Variants in LSAMP observed in about 807,000 individuals in gnomAD.
LSAMP encodes the protein limbic system associated membrane protein, also known as limbic system-associated membrane protein.
In LSAMP, 7 loss-of-function variants were observed where a neutral mutation model predicts 38.6. The observed-to-expected ratio is 0.18, with a 90% CI of 0.10 to 0.34. The LOEUF is 0.34. Ranked by LOEUF, LSAMP falls within the 10% of genes least tolerant of loss-of-function variation. The pLI is 1.00. For missense variants in LSAMP, 313 were observed against 420.0 expected, an observed-to-expected ratio of 0.75 and a Z score of 2.23; for synonymous variants, 154 against 166.8, an observed-to-expected ratio of 0.92 and a Z score of 0.59.
At chr3:116,432,157 T>C (rs989647786) in intron 1 of LSAMP, among the ~76,000 whole-genome samples, 2 of 151,902 alleles carry the variant, frequency 1.3e-5, no homozygotes, top group Non-Finnish European at 2.9e-5. Flanking sequence ...ACATGCTTGA[T>C]ACCCTTAAAA....
Position 115,810,406 on chromosome 3 carries a change from A to C in LSAMP, c.928T>G (p.Ser310Ala). Reference sequence around the variant, plus strand: ...ATGGATCCATTTATTCCTCTCACCGACCCAGGTCCTGCAGAGCAAAAGAGG... The same window carrying C: ...ATGGATCCATTTATTCCTCTCACCGCCCCAGGTCCTGCAGAGCAAAAGAGG... ...NASLVLFRPG[S>A]VRGINGSISL... The change falls in exon 7 of 7, where the codon TCG becomes GCG. Residue 310 changes from serine (S) to alanine (A), a missense_variant. Coordinates refer to ENST00000490035, the MANE Select transcript of LSAMP (RefSeq NM_002338.5). 2 of 1,612,448 alleles carry C rather than the reference A, an allele frequency of 1.2e-6. No individual in the cohort carries two copies. The highest frequency in any genetic ancestry group is 1.7e-6 in the Non-Finnish European group (2 of 1,178,884).
chr3:115,866,166 G>A (rs1935851723), intron 3 of LSAMP, among the ~76,000 whole-genome samples: 2 of 152,058 alleles, frequency 1.3e-5, no homozygotes, highest in South Asian at 4.2e-4. Flanking sequence ...TGTGACTCTG[G>A]TGTTTTAATC....
chr3:116,329,526 GA>G (rs1253069354), intron 1 of LSAMP, among the ~76,000 whole-genome samples: 2 of 152,218 alleles, frequency 1.3e-5, no homozygotes, highest in African/African-American at 4.8e-5. Flanking sequence ...CTAAAAAAGT[GA>G]ATGTTTCTGC....
At chr3:116,289,833 T>C (rs1051400738) in intron 1 of LSAMP, among the ~76,000 whole-genome samples, 5 of 151,946 alleles carry the variant, frequency 3.3e-5, no homozygotes, top group Non-Finnish European at 7.4e-5. Flanking sequence ...AAGAAGAGAG[T>C]CACTCACGCT....
At chr3:116,046,985 G>A (rs999375478) in intron 2 of LSAMP, among the ~76,000 whole-genome samples, 26 of 152,088 alleles carry the variant, frequency 1.7e-4, no homozygotes, top group African/African-American at 4.3e-4. Flanking sequence ...ATCATCTCCC[G>A]TTGCAAAGCA....
At chr3:116,131,453 TTGAGACTTTTA>T (rs1412890140) in intron 1 of LSAMP, among the ~76,000 whole-genome samples, 26 of 152,110 alleles carry the variant, frequency 1.7e-4, no homozygotes, top group African/African-American at 6.3e-4. Flanking sequence ...ATGAGATGGT[TTGAGACTTTTA>T]CTGTCTTCTG....
intron 1 of LSAMP, among the ~76,000 whole-genome samples, chr3:116,421,226 A>T (rs1215854870): frequency 6.6e-6 from 1 of 152,222 alleles, no homozygotes; most frequent in African/African-American, 2.4e-5. Flanking sequence ...AAGAAAATAA[A>T]AAGATAAGCC....
At chr3:116,252,527 GA>G (rs200078334) in intron 1 of LSAMP, among the ~76,000 whole-genome samples, 60 of 150,150 alleles carry the variant, frequency 4.0e-4, no homozygotes, top group Non-Finnish European at 7.0e-4. Context: ...AATAATGTAT[GA>G]AAAAAAAATA....
chr3:115,972,843 T>C lies in LSAMP; in HGVS notation c.514+46672A>G, dbSNP rs116172925. Among the ~76,000 whole-genome samples, 320 of 149,758 alleles carry C rather than the reference T, an allele frequency of 2.1e-3. 2 individuals carry two copies. Among genetic ancestry groups the C allele is most frequent in the African/African-American group, 7.0e-3 (290 of 41,156 alleles). ...TTAGCATGACAATGCATGTAACACATTTAATGTATTAGCCCATTATATATT... is the reference window on the plus strand; with the variant it reads ...TTAGCATGACAATGCATGTAACACACTTAATGTATTAGCCCATTATATATT... On this transcript the variant is annotated intron_variant, in intron 3 of 6. Coordinates refer to ENST00000490035, the MANE Select transcript of LSAMP (RefSeq NM_002338.5).
At chr3:115,915,980 C>T (rs192830788) in intron 3 of LSAMP, among the ~76,000 whole-genome samples, 113 of 152,182 alleles carry the variant, frequency 7.4e-4, no homozygotes, top group Middle Eastern at 3.4e-3. Context: ...ATATAAGTTA[C>T]CAGAAATGCC....
chr3:116,020,039 C>T (rs1025402373), intron 2 of LSAMP, among the ~76,000 whole-genome samples: 8 of 151,998 alleles, frequency 5.3e-5, no homozygotes, highest in African/African-American at 1.9e-4. Flanking sequence ...AATGTCTTCT[C>T]CAAGTACCAG....
At chr3:116,383,237 A>G (rs1157867130) in intron 1 of LSAMP, among the ~76,000 whole-genome samples, 2 of 152,142 alleles carry the variant, frequency 1.3e-5, no homozygotes, top group Non-Finnish European at 2.9e-5. Context: ...TCGTATCTGA[A>G]ACCTCTATTT....
At chr3:116,221,921 T>C (rs1372606456) in intron 1 of LSAMP, among the ~76,000 whole-genome samples, 1 of 151,980 alleles carries the variant, frequency 6.6e-6, no homozygotes, top group African/African-American at 2.4e-5. Context: ...TTTTTCTGTT[T>C]ATTCTTCTCA....
intron 3 of LSAMP, among the ~76,000 whole-genome samples, chr3:115,874,310 G>C (rs1287909258): frequency 6.6e-6 from 1 of 152,068 alleles, no homozygotes; most frequent in Non-Finnish European, 1.5e-5. Context: ...GTCTGTCTCA[G>C]CATCTTTCCT....
chr3:115,983,742 G>C (rs1415046208), intron 3 of LSAMP, among the ~76,000 whole-genome samples: 1 of 152,122 alleles, frequency 6.6e-6, no homozygotes, highest in Non-Finnish European at 1.5e-5. Flanking sequence ...TGAGAGGACA[G>C]TGCCTAGTGG....
chr3:115,845,817 C>T (rs1371016481), intron 4 of LSAMP, among the ~76,000 whole-genome samples: 1 of 152,188 alleles, frequency 6.6e-6, no homozygotes, highest in Non-Finnish European at 1.5e-5. Flanking sequence ...TTTATTAGCC[C>T]CTCAGAGACC....
chr3:115,960,641 C>T (rs971813823), intron 3 of LSAMP, among the ~76,000 whole-genome samples: 3 of 152,146 alleles, frequency 2.0e-5, no homozygotes, highest in African/African-American at 7.2e-5. Flanking sequence ...ATTGTAATGG[C>T]CTCTCTAGCA....
At chr3:116,438,924 A>G (rs949314825) in intron 1 of LSAMP, among the ~76,000 whole-genome samples, 2 of 152,110 alleles carry the variant, frequency 1.3e-5, no homozygotes, top group African/African-American at 2.4e-5. Flanking sequence ...ATCTTTGGCT[A>G]CTGATATATT....
At chr3:116,188,877 G>C (rs1710687371) in intron 1 of LSAMP, among the ~76,000 whole-genome samples, 1 of 152,182 alleles carries the variant, frequency 6.6e-6, no homozygotes, top group South Asian at 2.1e-4. Context: ...AGCACAGTGA[G>C]ATTGACCATT....
Sources: allele counts gnomAD v4.1 joint callset (sites outside exome capture counted in the v4.1 genomes callset), GRCh38; gene constraint gnomAD v4.1.1; transcripts MANE v1.5; gene names NCBI Gene and HGNC (gene_info 2026-07-23, HGNC 2026-07-21).